The following CD86 variants were observed in gnomAD, a reference collection of about 807,000 sequenced individuals.
CD86 encodes CD86 molecule, also known as T-lymphocyte activation antigen CD86.
Under a neutral mutation model 32.1 loss-of-function variants are expected in CD86, and 11 were observed. The ratio of observed to expected loss-of-function variants is 0.34; its 90% CI spans 0.22 to 0.57. The LOEUF is 0.57. CD86 is among the 20% of genes least tolerant of loss of function. The pLI is 0.86. For missense variants in CD86, 359 were observed against 398.4 expected (o/e 0.90, Z 0.84); for synonymous variants, 137 against 135.3 (o/e 1.01, Z -0.09).
chr3:122,075,135 G>T (rs1361471731), intron 1 of CD86, among the ~76,000 whole-genome samples: 2 of 151,452 alleles, frequency 1.3e-5, no homozygotes, highest in Non-Finnish European at 2.9e-5. Flanking sequence ...CCCTGCAACT[G>T]TTGAAAGGCT....
At chr3:122,070,777 G>A (rs2072477734) in intron 1 of CD86, among the ~76,000 whole-genome samples, 1 of 152,178 alleles carries the variant, frequency 6.6e-6, no homozygotes. Flanking sequence ...ACTTTTTGCA[G>A]CAACGTTCTA....
At chr3:122,069,693 GCCTTCCTCCAGAGATGGA>G (rs1433069661) in intron 1 of CD86, among the ~76,000 whole-genome samples, 37 of 152,206 alleles carry the variant, frequency 2.4e-4, no homozygotes, top group Non-Finnish European at 2.5e-4. Flanking sequence ...GGCCCCTGTG[GCCTTCCTCCAGAGATGGA>G]CCTTCCTCCA....
Position 122,101,516 on chromosome 3 carries a change from ATATAT to A in CD86, c.65-1995_65-1991del, listed in dbSNP as rs1559909872. Reference sequence around the variant, plus strand: ...TACAGAAAAAAAAAAAAAAAAAAATATATATATATATATATATATATATATGTAAA... The same window carrying A: ...TACAGAAAAAAAAAAAAAAAAAAATAATATATATATATATATATATGTAAA... On this transcript the variant is annotated intron_variant, in intron 2 of 6. Transcript: ENST00000330540. Among the ~76,000 whole-genome samples the A allele has an allele frequency of 1.9e-4, 5 of 26,780 alleles. No individual in the cohort carries two copies. The South Asian group carries it at 4.5e-3, about 24-fold the overall frequency. The allele number at this position is 26,780 out of a possible 152,430, so 17.6% of individuals were successfully genotyped here.
At chr3:122,064,488 G>A (rs2072385626) in intron 1 of CD86, among the ~76,000 whole-genome samples, 1 of 152,126 alleles carries the variant, frequency 6.6e-6, no homozygotes, top group African/African-American at 2.4e-5. Context: ...AGTGAGTGAT[G>A]CAGGCCTGTG....
chr3:122,083,245 C>T (rs1258657715), intron 1 of CD86, among the ~76,000 whole-genome samples: 1 of 152,148 alleles, frequency 6.6e-6, no homozygotes, highest in African/African-American at 2.4e-5. Flanking sequence ...TGATATCAGT[C>T]TCAGCTCTAA....
chr3:122,101,022 A>G (rs962959205), intron 2 of CD86, among the ~76,000 whole-genome samples: 24 of 152,176 alleles, frequency 1.6e-4, no homozygotes, highest in African/African-American at 4.8e-4. Context: ...GTGTGAGATC[A>G]TGGAAGCCAG....
At chr3:122,064,801 T>C (rs1386971405) in intron 1 of CD86, among the ~76,000 whole-genome samples, 2 of 152,124 alleles carry the variant, frequency 1.3e-5, no homozygotes, top group Non-Finnish European at 2.9e-5. Flanking sequence ...AAATGGAATA[T>C]TTTAGGACTA....
intron 5 of CD86, among the ~76,000 whole-genome samples, chr3:122,112,294 A>G (rs2073185665): frequency 6.6e-6 from 1 of 152,056 alleles, no homozygotes; most frequent in Admixed American, 6.6e-5. Flanking sequence ...TTTCAAAAGA[A>G]ATTATTATTA....
At chr3:122,071,114 T>A (rs1456086914) in intron 1 of CD86, among the ~76,000 whole-genome samples, 1 of 152,250 alleles carries the variant, frequency 6.6e-6, no homozygotes, top group Non-Finnish European at 1.5e-5. Context: ...CAAGCCATTG[T>A]TGCTTCATTA....
intron 1 of CD86, among the ~76,000 whole-genome samples, chr3:122,079,907 ACC>A (rs1469495206): frequency 6.6e-6 from 1 of 152,022 alleles, no homozygotes; most frequent in Non-Finnish European, 1.5e-5. Flanking sequence ...ATTAACTTGA[ACC>A]TAATGCCTAA....
rs779597426 is a variant in CD86 at position 122,106,178 on chromosome 3, T to TA, written c.401-19dup. The TA allele has an allele frequency of 1.0e-5, 16 of 1,546,614 alleles. No homozygotes were observed. The highest frequency in any genetic ancestry group is 4.1e-5 in the African/African-American group (3 of 72,630). ...ATCTAAACTTAGATTGATTTTTTTT[T>TA]ATCTCTCTTCTGCTTTCAGCTAACT... On this transcript the variant is annotated intron_variant, in intron 3 of 6. Transcript: ENST00000330540.
Position 122,106,491 on chromosome 3 carries a change from TTCTC to T in CD86, c.696_699del (p.Phe232LeufsTer2). The stretch of plus-strand genomic sequence containing the variant: ...CAAGACGCGGCTTTTATCTTCACCT[TTCTC>T]TATAGGTAAAGCTGTTTTCCAAGAC... On this transcript the variant is annotated frameshift_variant, in exon 4 of 7. Coordinates refer to ENST00000330540, the MANE Select transcript of CD86 (RefSeq NM_175862.5). LOFTEE classifies it high-confidence loss of function. The T allele has an allele frequency of 6.2e-7, 1 of 1,605,822 alleles. No homozygotes were observed. Among genetic ancestry groups the T allele is most frequent in the Non-Finnish European group, 8.5e-7 (1 of 1,175,032 alleles).
rs1259567679 is a variant in CD86 at position 122,119,996 on chromosome 3, T to G, written c.*462T>G. On this transcript the variant is annotated 3_prime_UTR_variant, in exon 7 of 7. Transcript: ENST00000330540. ...ACCTCCTCAGTCTGGGTGGGACTTA[T>G]GTATTTATGACCTTATAGTGTTAAT... is the stretch of plus-strand genomic sequence containing the variant. The G allele has an allele frequency of 5.9e-6, 1 of 170,586 alleles. No individual in the cohort carries two copies. Among genetic ancestry groups the G allele is most frequent in the East Asian group, 1.8e-4 (1 of 5,564 alleles). 10.6% of individuals were successfully genotyped at this position (170,586 alleles called of 1,614,324 possible).
intron 1 of CD86, among the ~76,000 whole-genome samples, chr3:122,062,837 G>T (rs2072358141): frequency 6.6e-6 from 1 of 152,092 alleles, no homozygotes; most frequent in Non-Finnish European, 1.5e-5. Flanking sequence ...GATATTTTAG[G>T]ACTCACATTC....
In CD86 at chr3:122,108,656, G is replaced by T. The variant is rs148799928; in HGVS notation, c.704-609G>T. ...GGAAGTAGTTCCTGAAGGCGTGAAG[G>T]TTCCTCAAGGCATGAAGAAACATCA... is the stretch of plus-strand genomic sequence containing the variant. On this transcript the variant is annotated intron_variant, in intron 4 of 6. Transcript: ENST00000330540. Among the ~76,000 whole-genome samples, 34 of 152,284 alleles carry T rather than the reference G, an allele frequency of 2.2e-4. No homozygotes were observed. In the South Asian group the frequency reaches 2.5e-3, roughly 11 times the overall value.
chr3:122,060,889 ATTTC>A (rs1288954998), intron 1 of CD86, among the ~76,000 whole-genome samples: 10 of 152,146 alleles, frequency 6.6e-5, no homozygotes, highest in Non-Finnish European at 1.5e-4. Context: ...CCCAAGAGGA[ATTTC>A]AGGGATCATT....
At chr3:122,110,925 G>C (rs1395514517) in intron 5 of CD86, among the ~76,000 whole-genome samples, 5 of 152,154 alleles carry the variant, frequency 3.3e-5, no homozygotes, top group African/African-American at 9.7e-5. Context: ...AAACAAAGAA[G>C]GGTTGGAGAA....
At chr3:122,077,454 G>A (rs563731248) in intron 1 of CD86, among the ~76,000 whole-genome samples, 2 of 152,350 alleles carry the variant, frequency 1.3e-5, no homozygotes, top group South Asian at 2.1e-4. Context: ...CAGGATGGGT[G>A]GAGAGATGTA....
chr3:122,066,957 G>A (rs913744462), intron 1 of CD86, among the ~76,000 whole-genome samples: 2 of 152,140 alleles, frequency 1.3e-5, no homozygotes, highest in Non-Finnish European at 2.9e-5. Context: ...ATCTAGATCT[G>A]CAAGGAAGAG....
Sources: allele counts gnomAD v4.1 joint callset (sites outside exome capture counted in the v4.1 genomes callset), GRCh38; gene constraint gnomAD v4.1.1; transcripts MANE v1.5; gene names NCBI Gene and HGNC (gene_info 2026-07-23, HGNC 2026-07-21).